CEMIP2: variants seen among roughly 807,000 people sequenced by gnomAD.
CEMIP2 encodes the protein cell migration inducing hyaluronidase 2, also known as cell surface hyaluronidase CEMIP2.
A neutral mutation model predicts 146.9 loss-of-function variants in CEMIP2; 79 were observed. The observed-to-expected ratio is 0.54, with a 90% CI of 0.45 to 0.65. The LOEUF is 0.65. Ranked by LOEUF, CEMIP2 falls within the 30% of genes least tolerant of loss-of-function variation. The probability of loss-of-function intolerance (pLI) is 0.00; values close to 1 mark genes in which losing one functional copy is unlikely to be tolerated. For synonymous variants in CEMIP2, 601 were observed against 606.3 expected (o/e 0.99, Z 0.13); for missense variants, 1,596 against 1,696.2 (o/e 0.94, Z 1.04).
In CEMIP2 at chr9:71,700,820, C is replaced by A; in HGVS notation, c.3199G>T (p.Asp1067Tyr). The A allele has an allele frequency of 6.2e-7, 1 of 1,606,434 alleles. No homozygotes were observed. Among genetic ancestry groups the A allele is most frequent in the South Asian group, 1.1e-5 (1 of 89,652 alleles). Residue 1067 changes from aspartate to tyrosine, a missense_variant, in exon 19 of 24, where the codon GAC becomes TAC. Transcript: ENST00000377044. Reference sequence around the variant, plus strand: ...TAGCAAAGGCCAACTCGAATCCAGTCATTCCTTTAAAGGAGAAACATAAAA... The same window carrying A: ...TAGCAAAGGCCAACTCGAATCCAGTAATTCCTTTAAAGGAGAAACATAAAA... ...FLYLVNFNKN[D>Y]WIRVGLCYPS...
intron 1 of CEMIP2, among the ~76,000 whole-genome samples, chr9:71,761,150 G>A (rs1478728462): frequency 2.0e-5 from 3 of 152,216 alleles, no homozygotes; most frequent in South Asian, 2.1e-4. Flanking sequence ...AACCAAAGTC[G>A]AAGTCTGTCC....
intron 10 of CEMIP2, among the ~76,000 whole-genome samples, chr9:71,728,319 G>GTATATT (rs1823509336): frequency 3.0e-5 from 1 of 32,970 alleles, no homozygotes; most frequent in Non-Finnish European, 5.4e-5. Context: ...ATATATATAC[G>GTATATT]TATATATATA....
chr9:71,728,245 A>C (rs1439463102), intron 10 of CEMIP2, among the ~76,000 whole-genome samples: 3 of 40,340 alleles, frequency 7.4e-5, no homozygotes, highest in African/African-American at 2.0e-4. Context: ...ATATATATAT[A>C]TATATGTATA....
chr9:71,717,269 T>C (rs1823084774), intron 13 of CEMIP2, among the ~76,000 whole-genome samples: 1 of 152,196 alleles, frequency 6.6e-6, no homozygotes, highest in South Asian at 2.1e-4. Flanking sequence ...AACTATGTTT[T>C]AAAAACAACT....
chr9:71,683,956 G>A lies in CEMIP2; in HGVS notation c.*1241C>T, dbSNP rs544760628. 23 of 152,268 alleles carry A rather than the reference G, an allele frequency of 1.5e-4. No individual in the cohort carries two copies. Among genetic ancestry groups the A allele is most frequent in the African/African-American group, 4.8e-4 (20 of 41,494 alleles). 9.4% of individuals were successfully genotyped at this position (152,268 alleles called of 1,614,324 possible). On this transcript the variant is annotated 3_prime_UTR_variant, in exon 24 of 24. Coordinates refer to ENST00000377044, the MANE Select transcript of CEMIP2 (RefSeq NM_013390.3). ...TTTGCTGCTTCTTTCCTCTTGGTACGGCAGCATCCCAGGCTGTGGAGCCAG... is the reference window on the plus strand; with the variant it reads ...TTTGCTGCTTCTTTCCTCTTGGTACAGCAGCATCCCAGGCTGTGGAGCCAG...
intron 21 of CEMIP2, 81 bp from the exon 22 acceptor site, chr9:71,690,327 CTG>C: frequency 1.3e-6 from 2 of 1,499,866 alleles, no homozygotes; most frequent in Non-Finnish European, 1.8e-6. Context: ...GGCCCTTTCC[CTG>C]TGTCTTCTAA....
chr9:71,730,842 G>A lies in CEMIP2; in HGVS notation c.1636C>T (p.Arg546Ter), dbSNP rs530414567. The change falls in exon 8 of 24, where the codon CGA (arginine) becomes TGA (stop). Residue 546 changes from arginine (R) to a stop codon, truncating the protein, a stop_gained. Transcript: ENST00000377044. LOFTEE classifies it high-confidence loss of function. ...CACAGGTGAAAATGAACAGGGTATC[G>A]CCCCATCTGCTGCTGACCCATGTGT... ...LKHMGQQQMG[R>*]YPVHFHLCGD... is the part of the protein sequence containing the mutation. 3 of 1,614,076 alleles carry A rather than the reference G, an allele frequency of 1.9e-6. No homozygotes were observed. The highest frequency in any genetic ancestry group is 3.3e-5 in the Admixed American group (2 of 60,008).
At chr9:71,750,638 T>C (rs1824223899) in intron 1 of CEMIP2, among the ~76,000 whole-genome samples, 1 of 150,128 alleles carries the variant, frequency 6.7e-6, no homozygotes, top group Non-Finnish European at 1.5e-5. Flanking sequence ...GTAGAGACAA[T>C]GTTTCTCCAT....
chr9:71,698,166 T>C lies in CEMIP2; in HGVS notation c.3416A>G (p.His1139Arg). 1 of 1,614,198 alleles carries C rather than the reference T, an allele frequency of 6.2e-7. No homozygotes were observed. Among genetic ancestry groups the C allele is most frequent in the Non-Finnish European group, 8.5e-7 (1 of 1,180,028 alleles). Residue 1139 changes from histidine (H) to arginine (R), a missense_variant, in exon 20 of 24, where the codon CAT (histidine) becomes CGT (arginine). Physicochemically the swap from His to Arg is conservative, Grantham distance 29. Coordinates refer to ENST00000377044, the MANE Select transcript of CEMIP2 (RefSeq NM_013390.3). Reference sequence around the variant, plus strand: ...CTGAGATGAACAGTAACTGTGGCCATGCCTGTGGCTTTTGGCTTTGAGATA... The same window carrying C: ...CTGAGATGAACAGTAACTGTGGCCACGCCTGTGGCTTTTGGCTTTGAGATA... Reference protein sequence around the residue: ...FLYLKAKSHRHGHSYCSSQGC... With the variant: ...FLYLKAKSHRRGHSYCSSQGC...
At chr9:71,736,824 A>T (rs1429935048) in intron 5 of CEMIP2, among the ~76,000 whole-genome samples, 1 of 152,216 alleles carries the variant, frequency 6.6e-6, no homozygotes, top group African/African-American at 2.4e-5. Flanking sequence ...CTGTTTAATA[A>T]ATATCAGTAC....
intron 22 of CEMIP2, chr9:71,687,306 T>TCC (rs1319104621): frequency 6.6e-6 from 1 of 152,082 alleles, no homozygotes; most frequent in Non-Finnish European, 1.5e-5. Flanking sequence ...CCTGAAACCA[T>TCC]CCCCCTCCAC....
intron 1 of CEMIP2, among the ~76,000 whole-genome samples, chr9:71,766,484 C>T (rs531908650): frequency 1.3e-5 from 2 of 152,290 alleles, no homozygotes; most frequent in South Asian, 4.1e-4. Context: ...GCCCACAAGA[C>T]TACATTACCC....
At position 71,730,758 on chromosome 9, in the gene CEMIP2, T is replaced by C. The variant is rs1823591754; in HGVS notation, c.1720A>G (p.Ile574Val). 6.2e-7 allele frequency: 1 copy of C among 1,614,236 alleles called. No homozygotes were observed. Among genetic ancestry groups the C allele is most frequent in the Non-Finnish European group, 8.5e-7 (1 of 1,180,046 alleles). Residue 574 changes from isoleucine (I) to valine (V), a missense_variant, in exon 8 of 24, where the codon ATT (isoleucine) becomes GTT (valine). Physicochemically the swap from Ile to Val is conservative, Grantham distance 29 (BLOSUM62 3). Coordinates refer to ENST00000377044, the MANE Select transcript of CEMIP2 (RefSeq NM_013390.3). Reference protein sequence around the residue: ...RHATFVDGLSIHHSFSRCITV... With the variant: ...RHATFVDGLSVHHSFSRCITV... Reference sequence around the variant, plus strand: ...ATGCACCTTGAGAAGCTGTGATGAATAGACAGGCCGTCCACAAATGTTGCA... The same window carrying C: ...ATGCACCTTGAGAAGCTGTGATGAACAGACAGGCCGTCCACAAATGTTGCA...
chr9:71,752,827 G>A (rs889860624), intron 1 of CEMIP2, among the ~76,000 whole-genome samples: 1 of 152,112 alleles, frequency 6.6e-6, no homozygotes, highest in Non-Finnish European at 1.5e-5. Context: ...ATTAATGGGG[G>A]CAGAAAGAGA....
intron 1 of CEMIP2, among the ~76,000 whole-genome samples, chr9:71,762,748 C>T (rs532388725): frequency 9.2e-5 from 14 of 152,260 alleles, no homozygotes; most frequent in African/African-American, 1.7e-4. Context: ...CAGTGGCTCA[C>T]GCCTGTAATC....
rs1212882326 is a variant in CEMIP2 at position 71,684,418 on chromosome 9, G to A, written c.*779C>T. Reference sequence around the variant, plus strand: ...AAAACAAAAAAGGAAATATTCAGTTGAGCTCTGCATTTTAAACACAAATAT... The same window carrying A: ...AAAACAAAAAAGGAAATATTCAGTTAAGCTCTGCATTTTAAACACAAATAT... On this transcript the variant is annotated 3_prime_UTR_variant, in exon 24 of 24. Transcript: ENST00000377044. The A allele has an allele frequency of 1.3e-5, 2 of 152,586 alleles. No homozygotes were observed. The highest frequency in any genetic ancestry group is 4.8e-5 in the African/African-American group (2 of 41,430). The allele number at this position is 152,586 out of a possible 1,614,324, so 9.5% of individuals were successfully genotyped here.
intron 1 of CEMIP2, among the ~76,000 whole-genome samples, chr9:71,758,690 G>A (rs1312559073): frequency 6.6e-6 from 1 of 152,162 alleles, no homozygotes; most frequent in Non-Finnish European, 1.5e-5. Context: ...AAGCCTGGCT[G>A]CATTAATGCA....
chr9:71,702,561 T>G (rs1332786825), intron 18 of CEMIP2, among the ~76,000 whole-genome samples: 1 of 152,120 alleles, frequency 6.6e-6, no homozygotes, highest in Non-Finnish European at 1.5e-5. Context: ...TGTAGATTAT[T>G]TCCATTTTCT....
chr9:71,734,767 T>C lies in CEMIP2; in HGVS notation c.1393+39A>G, dbSNP rs1480523386. On this transcript the variant is annotated intron_variant, in intron 6 of 23. Coordinates refer to ENST00000377044, the MANE Select transcript of CEMIP2 (RefSeq NM_013390.3). ...TTTCAGGAATCAAATCCCAAGAAAA[T>C]AGTGTGTTTCCCAAGAAGTACTCTA... is the stretch of plus-strand genomic sequence containing the variant. 3.9e-6 allele frequency: 6 copies of C among 1,523,122 alleles called. No homozygotes were observed. The African/African-American group carries it at 4.1e-5, about 11-fold the overall frequency. The allele number at this position is 1,523,122 out of a possible 1,614,324, so 94.4% of individuals were successfully genotyped here.
Sources: gnomAD v4.1 joint callset for allele counts (sites outside exome capture counted in the v4.1 genomes callset) on GRCh38, gnomAD v4.1.1 for gene constraint, MANE v1.5 for transcripts, NCBI Gene and HGNC (gene_info 2026-07-23, HGNC 2026-07-21) for gene names.